PPARG: variants seen among roughly 807,000 people sequenced by gnomAD.
PPARG encodes the protein peroxisome proliferator-activated receptor gamma.
In PPARG, 17 loss-of-function variants were observed where a neutral mutation model predicts 39.2. The ratio of observed to expected loss-of-function variants is 0.43; its 90% CI spans 0.30 to 0.65. The LOEUF (loss-of-function observed/expected upper bound fraction) is 0.65. Ranked by LOEUF, PPARG falls within the 30% of genes least tolerant of loss-of-function variation. The probability of loss-of-function intolerance (pLI) is 0.13; values close to 1 mark genes in which losing one functional copy is unlikely to be tolerated. For synonymous variants in PPARG, 223 were observed against 215.7 expected (o/e 1.03, Z -0.30); for missense variants, 406 against 585.9 (o/e 0.69, Z 3.17).
In PPARG at chr3:12,340,441, G is replaced by A. The variant is rs28675782; in HGVS notation, c.-9+27988G>A. On this transcript the variant is annotated intron_variant, in intron 2 of 7. Transcript: ENST00000651735. ...ATTTTTATTTTTATTGCGGGGGAGA[G>A]GTGCTTACTTTAGAGTGGTAAAAGT... is the stretch of plus-strand genomic sequence containing the variant. Among the ~76,000 whole-genome samples, 583 of 152,222 alleles carry A rather than the reference G, an allele frequency of 3.8e-3. 4 individuals are homozygous for A. Among genetic ancestry groups the A allele is most frequent in the African/African-American group, 0.013 (553 of 41,522 alleles).
Position 12,417,019 on chromosome 3 carries a change from G to A in PPARG, c.1045G>A (p.Glu349Lys), listed in dbSNP as rs1553650533. Residue 349 changes from glutamate to lysine, a missense_variant, in exon 7 of 8, where the codon GAG (glutamate) becomes AAG (lysine). This residue lies in a region of PPARG where 275 missense variants were observed against 458.0 expected (regional missense o/e 0.60). Coordinates refer to ENST00000651735, the MANE Select transcript of PPARG (RefSeq NM_138711.6). The part of the protein sequence containing the change: ...ISEGQGFMTR[E>K]FLKSLRKPFG... Reference sequence around the variant, plus strand: ...CGAGGGCCAAGGCTTCATGACAAGGGAGTTTCTAAAGAGCCTGCGAAAGCC... The same window carrying A: ...CGAGGGCCAAGGCTTCATGACAAGGAAGTTTCTAAAGAGCCTGCGAAAGCC... 6.2e-7 allele frequency: 1 copy of A among 1,613,572 alleles called. No homozygotes were observed. Among genetic ancestry groups the A allele is most frequent in the Non-Finnish European group, 8.5e-7 (1 of 1,179,688 alleles).
chr3:12,381,516 G>T (rs757788415), intron 4 of PPARG, 25 bp downstream of exon 4: 4 of 1,606,058 alleles, frequency 2.5e-6, no homozygotes, highest in Admixed American at 1.7e-5. Context: ...AGTCTTCAAA[G>T]AAATTGTTGA....
intron 2 of PPARG, among the ~76,000 whole-genome samples, chr3:12,356,229 TTTTTTTG>T (rs949650920): frequency 3.3e-4 from 51 of 152,312 alleles, no homozygotes; most frequent in East Asian, 9.6e-4. Context: ...CAGATTGTCT[TTTTTTTG>T]TTTTTTGTTT....
rs534964632 is a variant in PPARG, at chr3:12,298,424, C to G, written c.-83+9290C>G. On this transcript the variant is annotated intron_variant, in intron 1 of 7. Transcript: ENST00000651735. ...ATAGACACACACACACACACACACA[C>G]AGTAATAGCCTTTGAATGAATTCTT... Among the ~76,000 whole-genome samples, 9 of 150,132 alleles carry G rather than the reference C, an allele frequency of 6.0e-5. No individual in the cohort carries two copies. The East Asian group carries it at 7.8e-4, about 13-fold the overall frequency.
At chr3:12,425,135 C>G (rs961770384) in intron 7 of PPARG, among the ~76,000 whole-genome samples, 6 of 152,060 alleles carry the variant, frequency 3.9e-5, no homozygotes, top group Non-Finnish European at 7.4e-5. Context: ...AGAACAAAAC[C>G]CAGAAGGAAA....
chr3:12,395,382 T>C (rs2050222484), intron 5 of PPARG, among the ~76,000 whole-genome samples: 1 of 152,226 alleles, frequency 6.6e-6, no homozygotes, highest in Non-Finnish European at 1.5e-5. Context: ...TATGATCAAT[T>C]GCTCAGCAAT....
intron 7 of PPARG, among the ~76,000 whole-genome samples, chr3:12,430,349 A>G (rs1349435704): frequency 6.6e-6 from 1 of 152,226 alleles, no homozygotes; most frequent in African/African-American, 2.4e-5. Context: ...TTCAGAACGT[A>G]GTCTCTGCCC....
intron 4 of PPARG, among the ~76,000 whole-genome samples, chr3:12,382,400 A>C (rs572463067): frequency 6.6e-6 from 1 of 152,310 alleles, no homozygotes; most frequent in African/African-American, 2.4e-5. Context: ...CACAATGCAA[A>C]AATAGTACTA....
chr3:12,330,398 G>T (rs1347348881), intron 2 of PPARG, among the ~76,000 whole-genome samples: 2 of 150,530 alleles, frequency 1.3e-5, no homozygotes, highest in Non-Finnish European at 3.0e-5. Flanking sequence ...CTGATGTTAA[G>T]CATCTTTTCA....
At chr3:12,433,864 C>G (rs1337968059) in intron 7 of PPARG, 34 bp from the exon 8 acceptor site, 2 of 1,613,064 alleles carry the variant, frequency 1.2e-6, no homozygotes, top group Non-Finnish European at 1.7e-6. Context: ...TTTGACTGAA[C>G]CCCCTGTTGT....
intron 1 of PPARG, 140 bp from the exon 2 acceptor site, chr3:12,312,240 A>C (rs1327168701): frequency 2.6e-5 from 4 of 152,244 alleles, no homozygotes; most frequent in Non-Finnish European, 5.9e-5. Flanking sequence ...GCTCAGGGAA[A>C]GCAAACATTC....
intron 2 of PPARG, among the ~76,000 whole-genome samples, chr3:12,342,527 G>A (rs756146243): frequency 2.1e-4 from 32 of 152,108 alleles, no homozygotes; most frequent in Non-Finnish European, 3.8e-4. Context: ...TTATTGACTT[G>A]AAAAAGCAGA....
intron 2 of PPARG, among the ~76,000 whole-genome samples, chr3:12,330,332 A>G (rs1243657722): frequency 2.2e-5 from 3 of 138,158 alleles, no homozygotes; most frequent in African/African-American, 5.3e-5. Context: ...AAGCTGTCCT[A>G]TTAGGTGTCA....
chr3:12,427,619 A>C (rs2051497652), intron 7 of PPARG, among the ~76,000 whole-genome samples: 1 of 152,172 alleles, frequency 6.6e-6, no homozygotes, highest in African/African-American at 2.4e-5. Context: ...CTAAGCCTAA[A>C]CCCAGAAAGA....
intron 2 of PPARG, among the ~76,000 whole-genome samples, chr3:12,361,207 G>A (rs1239931735): frequency 6.6e-6 from 1 of 152,052 alleles, no homozygotes; most frequent in African/African-American, 2.4e-5. Context: ...ATCCTTTCTT[G>A]TAAAGTACCT....
Position 12,392,773 on chromosome 3 carries a change from A to T in PPARG, c.529+21A>T, listed in dbSNP as rs4135334. On this transcript the variant is annotated intron_variant, in intron 5 of 7. Coordinates refer to ENST00000651735, the MANE Select transcript of PPARG (RefSeq NM_138711.6). ...TAATGGTAAGTAAACAGTCATCACC[A>T]TATACTTTATTATTCTCATTATAGC... The T allele has an allele frequency of 4.1e-3, 6,556 of 1,613,258 alleles. 240 individuals are homozygous for T. In the African/African-American group the frequency reaches 0.078, roughly 19 times the overall value.
intron 2 of PPARG, among the ~76,000 whole-genome samples, chr3:12,359,298 C>G (rs965038978): frequency 2.0e-5 from 3 of 151,686 alleles, no homozygotes; most frequent in African/African-American, 7.3e-5. Context: ...AAGAAAAATG[C>G]CAAAGAAAAT....
chr3:12,351,652 A>G, intron 2 of PPARG: 4 of 1,610,310 alleles, frequency 2.5e-6, no homozygotes, highest in Non-Finnish European at 3.4e-6. Flanking sequence ...TCACTGATAC[A>G]CTGTCTGCAA....
In PPARG at chr3:12,381,439, G is replaced by A. The variant is rs1259224734; in HGVS notation, c.338G>A (p.Gly113Glu). Residue 113 changes from glycine to glutamate, a missense_variant, in exon 4 of 8, where the codon GGA becomes GAA. This residue lies in a region of PPARG where 275 missense variants were observed against 458.0 expected (regional missense o/e 0.60). Coordinates refer to ENST00000651735, the MANE Select transcript of PPARG (RefSeq NM_138711.6). ...ATGGCAATTGAATGTCGTGTCTGTG[G>A]AGATAAAGCTTCTGGATTTCACTAT... ...SLMAIECRVC[G>E]DKASGFHYGV... The A allele has an allele frequency of 6.2e-7, 1 of 1,613,646 alleles. No homozygotes were observed. Among genetic ancestry groups the A allele is most frequent in the African/African-American group, 1.3e-5 (1 of 75,008 alleles).
Sources: allele counts gnomAD v4.1 joint callset (sites outside exome capture counted in the v4.1 genomes callset), GRCh38; gene constraint gnomAD v4.1.1; regional missense constraint gnomAD v4.1.1; transcripts MANE v1.5; gene names NCBI Gene and HGNC (gene_info 2026-07-23, HGNC 2026-07-21).